Variants in RAB8B observed in about 807,000 individuals in gnomAD.
RAB8B encodes the protein ras-related protein Rab-8B.
A neutral mutation model predicts 32.0 loss-of-function variants in RAB8B; 11 were observed. The ratio of observed to expected loss-of-function variants is 0.34; its 90% confidence interval spans 0.22 to 0.57. The LOEUF is 0.57. Among genes scored for constraint, RAB8B ranks in the 20% least tolerant of loss-of-function variants. The pLI, the probability that RAB8B is intolerant of heterozygous loss-of-function variation, is 0.86. For missense variants in RAB8B, 190 were observed against 258.5 expected (o/e 0.73, Z 1.82); for synonymous variants, 103 against 89.6 (o/e 1.15, Z -0.85).
chr15:63,207,673 C>T (rs1003766847), intron 1 of RAB8B, among the ~76,000 whole-genome samples: 1 of 151,986 alleles, frequency 6.6e-6, no homozygotes, highest in African/African-American at 2.4e-5. Flanking sequence ...GATTCCCTTG[C>T]CTCAGCCTCT....
At chr15:63,246,463 G>T (rs180985213) in intron 2 of RAB8B, among the ~76,000 whole-genome samples, 3 of 150,472 alleles carry the variant, frequency 2.0e-5, no homozygotes, top group Non-Finnish European at 4.4e-5. Flanking sequence ...CTTTATTTAT[G>T]TTTACCCATT....
chr15:63,202,855 A>G (rs549181947), intron 1 of RAB8B, among the ~76,000 whole-genome samples: 2 of 152,260 alleles, frequency 1.3e-5, no homozygotes, highest in Non-Finnish European at 2.9e-5. Flanking sequence ...AAGTCTCCAT[A>G]ATGCCTCTGT....
At chr15:63,225,395 T>G (rs1451681565) in intron 1 of RAB8B, among the ~76,000 whole-genome samples, 1 of 152,236 alleles carries the variant, frequency 6.6e-6, no homozygotes, top group Non-Finnish European at 1.5e-5. Context: ...TTTATTGCTG[T>G]CATATATTTT....
intron 1 of RAB8B, among the ~76,000 whole-genome samples, chr15:63,203,045 G>A (rs1223591781): frequency 6.6e-6 from 1 of 152,218 alleles, no homozygotes; most frequent in Non-Finnish European, 1.5e-5. Context: ...GCAGGGCTGA[G>A]GGCCTCTTGG....
At chr15:63,227,277 C>G (rs2037896535) in intron 1 of RAB8B, among the ~76,000 whole-genome samples, 1 of 152,006 alleles carries the variant, frequency 6.6e-6, no homozygotes, top group Non-Finnish European at 1.5e-5. Flanking sequence ...GTATGTATTT[C>G]CTGACCTAAT....
chr15:63,263,492 T>G (rs931931361), intron 7 of RAB8B, 35 bp from the exon 8 acceptor site: 1 of 1,527,216 alleles, frequency 6.5e-7, no homozygotes, highest in Admixed American at 1.7e-5. Context: ...CATGAAACTT[T>G]TATTTCCTTG....
rs1168017027 is a variant in RAB8B at position 63,259,104 on chromosome 15, A to G, written c.415-523A>G. On this transcript the variant is annotated intron_variant, in intron 5 of 7. Transcript: ENST00000321437. The surrounding 1 kb of genome is among the most constrained non-coding windows in gnomAD (Gnocchi z 4.4). ...AACAGAAAAAAAGAGAAGTACTTAA[A>G]TTATTATTATTATTTTATTTATTTA... Among the ~76,000 whole-genome samples the G allele has an allele frequency of 1.3e-5, 2 of 151,880 alleles. No homozygotes were observed. Among genetic ancestry groups the G allele is most frequent in the Admixed American group, 1.3e-4 (2 of 15,238 alleles).
chr15:63,255,987 C>A (rs2038156016), intron 4 of RAB8B, among the ~76,000 whole-genome samples: 1 of 152,210 alleles, frequency 6.6e-6, no homozygotes, highest in Admixed American at 6.5e-5. Flanking sequence ...ACCTTGGCAA[C>A]TTTTTGCCCT....
intron 1 of RAB8B, among the ~76,000 whole-genome samples, chr15:63,217,309 C>T (rs750401346): frequency 2.6e-5 from 4 of 152,158 alleles, no homozygotes; most frequent in Non-Finnish European, 4.4e-5. Flanking sequence ...AAATAAACGT[C>T]CTTTACATTT....
chr15:63,258,775 T>G (rs981816865), intron 5 of RAB8B, among the ~76,000 whole-genome samples: 2 of 152,092 alleles, frequency 1.3e-5, no homozygotes, highest in African/African-American at 4.8e-5. Flanking sequence ...TTGCAGAAGG[T>G]GACCAATCAA....
At chr15:63,245,267 G>A (rs184653034) in intron 2 of RAB8B, among the ~76,000 whole-genome samples, 141 of 152,168 alleles carry the variant, frequency 9.3e-4, no homozygotes, top group African/African-American at 3.3e-3. Flanking sequence ...CCTTTTCCTC[G>A]TTTGTAAATT....
intron 7 of RAB8B, 130 bp from the exon 8 acceptor site, chr15:63,263,397 C>T (rs2038217844): frequency 3.1e-6 from 2 of 649,358 alleles, no homozygotes; most frequent in Admixed American, 5.6e-5. Flanking sequence ...TAATAAAATA[C>T]TCTAGTGAAT....
intron 1 of RAB8B, among the ~76,000 whole-genome samples, chr15:63,213,895 A>T (rs1466165698): frequency 2.6e-5 from 4 of 152,162 alleles, no homozygotes; most frequent in Admixed American, 6.5e-5. Context: ...AGCCTGGGCA[A>T]CATGGTGAAA....
intron 1 of RAB8B, among the ~76,000 whole-genome samples, chr15:63,190,005 G>A (rs2037540855): frequency 1.3e-5 from 2 of 151,046 alleles, no homozygotes; most frequent in African/African-American, 4.9e-5. Context: ...GAGGAACAAG[G>A]ACTAGGGGTA....
Position 63,262,672 on chromosome 15 carries a change from A to C in RAB8B, c.481-20A>C. ...ATATAGTGAATATATAATAATGAAAATGTTTTGTTTTACCTATAGGCATTT... is the reference window on the plus strand; with the variant it reads ...ATATAGTGAATATATAATAATGAAACTGTTTTGTTTTACCTATAGGCATTT... On this transcript the variant is annotated intron_variant, in intron 6 of 7. Coordinates refer to ENST00000321437, the MANE Select transcript of RAB8B (RefSeq NM_016530.3). 1.7e-6 allele frequency: 2 copies of C among 1,154,920 alleles called. No individual in the cohort carries two copies. The highest frequency in any genetic ancestry group is 1.9e-5 in the South Asian group (1 of 53,016). 71.5% of individuals were successfully genotyped at this position (1,154,920 alleles called of 1,614,324 possible).
At chr15:63,231,303 C>T (rs1057211797) in intron 1 of RAB8B, among the ~76,000 whole-genome samples, 2 of 151,938 alleles carry the variant, frequency 1.3e-5, no homozygotes, top group African/African-American at 4.8e-5. Context: ...CTTTCATTTA[C>T]CTCTAAATGA....
In RAB8B at chr15:63,267,353, A is replaced by G. The variant is rs951275820; in HGVS notation, c.*3734A>G. On this transcript the variant is annotated 3_prime_UTR_variant, in exon 8 of 8. Coordinates refer to ENST00000321437, the MANE Select transcript of RAB8B (RefSeq NM_016530.3). Reference sequence around the variant, plus strand: ...CATATGCAATTGCATTTCTTGTGCCAAGAAACTAATAGAACTTATTTCACT... The same window carrying G: ...CATATGCAATTGCATTTCTTGTGCCGAGAAACTAATAGAACTTATTTCACT... 9.8e-5 allele frequency: 15 copies of G among 152,790 alleles called. No homozygotes were observed. Among genetic ancestry groups the G allele is most frequent in the African/African-American group, 3.6e-4 (15 of 41,590 alleles). The allele number at this position is 152,790 out of a possible 1,614,324, so 9.5% of individuals were successfully genotyped here. A position where few individuals can be genotyped will look rare whatever the true frequency, so the allele number is the denominator to read the frequency against.
intron 1 of RAB8B, among the ~76,000 whole-genome samples, chr15:63,229,109 A>G (rs1029982541): frequency 4.6e-5 from 7 of 152,380 alleles, no homozygotes; most frequent in Admixed American, 2.0e-4. Flanking sequence ...ACAATCAAGG[A>G]TCACTTTTAA....
chr15:63,200,648 C>CAAA (rs1165302478), intron 1 of RAB8B, among the ~76,000 whole-genome samples: 1 of 75,674 alleles, frequency 1.3e-5, no homozygotes, highest in Non-Finnish European at 3.0e-5. Flanking sequence ...CATGACAAGA[C>CAAA]AAAAAAAAAA....
Sources: gnomAD v4.1 joint callset for allele counts (sites outside exome capture counted in the v4.1 genomes callset) on GRCh38, gnomAD v4.1.1 for gene constraint, Gnocchi (gnomAD v3.1) non-coding constraint, MANE v1.5 for transcripts, NCBI Gene and HGNC (gene_info 2026-07-23, HGNC 2026-07-21) for gene names.